The following TYW3 variants were observed in gnomAD, a reference collection of about 807,000 sequenced individuals.
TYW3 encodes tRNA-yW synthesizing protein 3 homolog.
A neutral mutation model predicts 23.1 loss-of-function variants in TYW3; 26 were observed. That is an observed-to-expected ratio of 1.13 (90% confidence interval 0.83 to 1.56). The LOEUF (loss-of-function observed/expected upper bound fraction) is 1.56. Ranked by LOEUF, TYW3 falls within the 40% of genes most tolerant of loss-of-function variation. The pLI is 0.00. For synonymous variants in TYW3, 102 were observed against 105.7 expected, an observed-to-expected ratio of 0.97 and a Z score of 0.21; for missense variants, 316 against 311.9, an observed-to-expected ratio of 1.01 and a Z score of -0.10.
chr1:74,733,645 A>C (rs929376938), intron 1 of TYW3: 1 of 814,300 alleles, frequency 1.2e-6, no homozygotes. Context: ...CCGATTCTTT[A>C]AGTGTAGGGT....
At chr1:74,758,010 C>T (rs938269066) in intron 5 of TYW3, among the ~76,000 whole-genome samples, 32 of 152,064 alleles carry the variant, frequency 2.1e-4, no homozygotes, top group African/African-American at 5.3e-4. Flanking sequence ...ATCAGCAGCA[C>T]GAAAATGGAC....
At chr1:74,754,479 A>G (rs1477274906) in intron 5 of TYW3, among the ~76,000 whole-genome samples, 1 of 152,154 alleles carries the variant, frequency 6.6e-6, no homozygotes, top group East Asian at 1.9e-4. Context: ...GAACAGCTGT[A>G]TGTTCAACCA....
intron 3 of TYW3, among the ~76,000 whole-genome samples, chr1:74,747,901 A>G (rs886470087): frequency 2.7e-5 from 4 of 150,322 alleles, no homozygotes; most frequent in Admixed American, 2.0e-4. Flanking sequence ...ATATACACAC[A>G]TATATACACA....
At chr1:74,733,617 T>G in intron 1 of TYW3, 199 bp downstream of exon 1, 1 of 919,634 alleles carries the variant, frequency 1.1e-6, no homozygotes, top group Non-Finnish European at 1.3e-6. Flanking sequence ...CAGCTGAGCA[T>G]CTTTTAAAAT....
intron 1 of TYW3, among the ~76,000 whole-genome samples, chr1:74,735,929 A>G (rs1332551013): frequency 6.6e-6 from 1 of 152,210 alleles, no homozygotes. Context: ...TGTATACCCA[A>G]AGTACCTAAT....
At chr1:74,734,604 C>G (rs1007484696) in intron 1 of TYW3, among the ~76,000 whole-genome samples, 5 of 152,164 alleles carry the variant, frequency 3.3e-5, no homozygotes, top group Admixed American at 6.5e-5. Flanking sequence ...AGAAATTGAT[C>G]TGAGGTTTCA....
chr1:74,750,059 TTC>T (rs1267447412), intron 4 of TYW3: 2 of 151,764 alleles, frequency 1.3e-5, no homozygotes, highest in African/African-American at 4.8e-5. Flanking sequence ...TTCTTTCACC[TTC>T]TTCTTTGTTT....
chr1:74,753,881 A>G (rs1648868347), intron 5 of TYW3, among the ~76,000 whole-genome samples: 1 of 152,184 alleles, frequency 6.6e-6, no homozygotes, highest in Non-Finnish European at 1.5e-5. Flanking sequence ...GTACTATTTT[A>G]GATACATTGG....
rs767701797 is a variant in TYW3, at chr1:74,765,698, T to C, written c.*1585T>C. 2.0e-5 allele frequency: 3 copies of C among 152,168 alleles called. No individual in the cohort carries two copies. The East Asian group carries it at 5.8e-4, about 29-fold the overall frequency. 9.4% of individuals were successfully genotyped at this position (152,168 alleles called of 1,614,324 possible). A position where few individuals can be genotyped will look rare whatever the true frequency, so the allele number is the denominator to read the frequency against. On this transcript the variant is annotated 3_prime_UTR_variant, in exon 6 of 6. Coordinates refer to ENST00000370867, the MANE Select transcript of TYW3 (RefSeq NM_138467.3). ...GAGTGCAGGTGGAACGAGCCTATCC[T>C]GTGGTGAAATGACAACACATTCTGC...
chr1:74,741,499 C>A (rs1039527306), intron 3 of TYW3, among the ~76,000 whole-genome samples: 3 of 152,152 alleles, frequency 2.0e-5, no homozygotes, highest in Middle Eastern at 3.4e-3. Flanking sequence ...AGAGGATTAC[C>A]GAGTATGGTC....
At position 74,733,381 on chromosome 1, in the gene TYW3, C is replaced by G; in HGVS notation, c.137C>G (p.Thr46Ser). 6.2e-7 allele frequency: 1 copy of G among 1,614,222 alleles called. No homozygotes were observed. The highest frequency in any genetic ancestry group is 8.5e-7 in the Non-Finnish European group (1 of 1,180,034). ...AACATGCGAGATCAGTTTTTCACCA[C>G]CAGCTCCTGCGCTGGCCGCATCCTA... ...FLNMRDQFFT[T>S]SSCAGRILLL... The change falls in exon 1 of 6, where the codon ACC (threonine) becomes AGC (serine). Residue 46 changes from threonine (T) to serine (S), a missense_variant. By Grantham distance (58) the Thr-to-Ser change is moderately conservative (BLOSUM62 1). Transcript: ENST00000370867.
At chr1:74,747,198 G>A (rs936154892) in intron 3 of TYW3, among the ~76,000 whole-genome samples, 3 of 152,202 alleles carry the variant, frequency 2.0e-5, no homozygotes, top group Non-Finnish European at 4.4e-5. Flanking sequence ...GGCAGTGGAT[G>A]TGGCAAGAGC....
rs369703714 is a variant in TYW3 at position 74,761,036 on chromosome 1, G to A, written c.561-2858G>A. On this transcript the variant is annotated intron_variant, in intron 5 of 5. Transcript: ENST00000370867. ...AGGCTATTTGCTTTTCTTTCAAGGA[G>A]AGAAAAAATACAGTTGCCTGAACAT... Among the ~76,000 whole-genome samples, 31 of 151,082 alleles carry A rather than the reference G, an allele frequency of 2.1e-4. 1 individual carries two copies. The highest frequency in any genetic ancestry group is 7.5e-4 in the African/African-American group (31 of 41,314).
At chr1:74,746,739 C>T (rs2100763828) in intron 3 of TYW3, among the ~76,000 whole-genome samples, 1 of 152,268 alleles carries the variant, frequency 6.6e-6, no homozygotes, top group Non-Finnish European at 1.5e-5. Flanking sequence ...GGGAGAGCTG[C>T]ATTTAAAGAG....
chr1:74,748,883 C>A, intron 4 of TYW3, 61 bp downstream of exon 4: 1 of 1,392,342 alleles, frequency 7.2e-7, no homozygotes, highest in Non-Finnish European at 1.0e-6. Flanking sequence ...ATTGAATAAC[C>A]TAATTAGACT....
intron 5 of TYW3, among the ~76,000 whole-genome samples, chr1:74,753,854 A>G (rs1397698228): frequency 6.6e-6 from 1 of 152,180 alleles, no homozygotes; most frequent in Non-Finnish European, 1.5e-5. Flanking sequence ...AATTCTCCCA[A>G]GGATTTTATG....
chr1:74,752,532 T>C, intron 5 of TYW3, 107 bp downstream of exon 5: 1 of 950,630 alleles, frequency 1.1e-6, no homozygotes, highest in Non-Finnish European at 1.5e-6. Context: ...TATCTATTTG[T>C]AGATAATTTA....
intron 4 of TYW3, among the ~76,000 whole-genome samples, chr1:74,752,049 C>T (rs1255877912): frequency 6.6e-6 from 1 of 152,182 alleles, no homozygotes; most frequent in Non-Finnish European, 1.5e-5. Context: ...TTGATATCAT[C>T]TGTTTCTCTG....
intron 5 of TYW3, 98 bp downstream of exon 5, chr1:74,752,523 A>T: frequency 1.1e-6 from 1 of 939,264 alleles, no homozygotes; most frequent in East Asian, 2.6e-5. Context: ...CCAACTGCTT[A>T]TCTATTTGTA....
Sources: allele counts gnomAD v4.1 joint callset (sites outside exome capture counted in the v4.1 genomes callset), GRCh38; gene constraint gnomAD v4.1.1; transcripts MANE v1.5; gene names NCBI Gene and HGNC (gene_info 2026-07-23, HGNC 2026-07-21).